RALGPS1: variants seen among roughly 807,000 people sequenced by gnomAD.
RALGPS1 encodes ras-specific guanine nucleotide-releasing factor RalGPS1.
A neutral mutation model predicts 78.8 loss-of-function variants in RALGPS1; 19 were observed. The ratio of observed to expected loss-of-function variants is 0.24; its 90% CI spans 0.17 to 0.35. The LOEUF is 0.35. Among genes scored for constraint, RALGPS1 ranks in the 10% least tolerant of loss-of-function variants. The probability of loss-of-function intolerance (pLI) is 1.00; values close to 1 mark genes in which losing one functional copy is unlikely to be tolerated. For missense variants in RALGPS1, 454 were observed against 688.3 expected (o/e 0.66, Z 3.81); for synonymous variants, 228 against 256.3 (o/e 0.89, Z 1.06).
intron 8 of RALGPS1, among the ~76,000 whole-genome samples, chr9:127,085,338 C>T (rs2051596605): frequency 1.3e-5 from 2 of 152,194 alleles, no homozygotes; most frequent in African/African-American, 4.8e-5. Context: ...AGTAGGACTC[C>T]TGTGATTGTA....
rs768611508 is a variant in RALGPS1 at position 127,174,731 on chromosome 9, G to A, written c.859G>A (p.Glu287Lys). The A allele has an allele frequency of 1.2e-6, 2 of 1,614,070 alleles. No homozygotes were observed. The highest frequency in any genetic ancestry group is 1.7e-6 in the Non-Finnish European group (2 of 1,180,002). The change falls in exon 11 of 19, where the codon GAA becomes AAA. Residue 287 changes from glutamate to lysine, a missense_variant. Coordinates refer to ENST00000259351, the MANE Select transcript of RALGPS1 (RefSeq NM_014636.3). Reference sequence around the variant, plus strand: ...TGTTTTCAGACTGTCGCTCAGAATCGAACCAGGAAGCAGCTCTCCAAGACT... The same window carrying A: ...TGTTTTCAGACTGTCGCTCAGAATCAAACCAGGAAGCAGCTCTCCAAGACT... ...DDNYKLSLRIEPGSSSPRLVS... is the reference protein window; with the variant it reads ...DDNYKLSLRIKPGSSSPRLVS...
intron 8 of RALGPS1, among the ~76,000 whole-genome samples, chr9:127,074,385 A>G (rs11788093): frequency 0.38 from 57,190 of 151,982 alleles, 12,605 homozygotes; most frequent in Non-Finnish European, 0.48. Flanking sequence ...TTGGCTTACC[A>G]TAAACTGCAG....
chr9:127,042,536 T>A (rs188025513), intron 5 of RALGPS1, among the ~76,000 whole-genome samples: 1 of 152,190 alleles, frequency 6.6e-6, no homozygotes, highest in African/African-American at 2.4e-5. Context: ...ATAAAGAACA[T>A]CTACAAAAGT....
chr9:126,976,315 A>T (rs72764338), intron 3 of RALGPS1, among the ~76,000 whole-genome samples: 4,755 of 69,804 alleles, frequency 0.068, 75 homozygotes, highest in East Asian at 0.14. Context: ...ACTCATTCTC[A>T]CACACACACA....
At chr9:127,174,835 C>A in intron 11 of RALGPS1, 53 bp downstream of exon 11, 2 of 1,555,606 alleles carry the variant, frequency 1.3e-6, no homozygotes, top group East Asian at 2.2e-5. Flanking sequence ...CTAATTGTGG[C>A]TGCCAGAGTT....
At chr9:126,952,656 AGTGT>A (rs1281535322) in intron 1 of RALGPS1, among the ~76,000 whole-genome samples, 29 of 138,824 alleles carry the variant, frequency 2.1e-4, no homozygotes, top group Admixed American at 3.6e-4. Flanking sequence ...AGAGAGAGAG[AGTGT>A]GTGTGTGTGT....
chr9:127,017,876 G>T (rs2045013412), intron 4 of RALGPS1, among the ~76,000 whole-genome samples: 1 of 152,106 alleles, frequency 6.6e-6, no homozygotes, highest in African/African-American at 2.4e-5. Context: ...CCCACTGGAA[G>T]GTTTTCAGGG....
chr9:126,960,370 A>G (rs1028840529), intron 1 of RALGPS1, among the ~76,000 whole-genome samples: 2 of 151,512 alleles, frequency 1.3e-5, no homozygotes, highest in African/African-American at 4.8e-5. Context: ...AGTAGCTGGG[A>G]CTACAGGCGC....
chr9:127,108,210 G>A, intron 8 of RALGPS1: 1 of 1,614,102 alleles, frequency 6.2e-7, no homozygotes, highest in Non-Finnish European at 8.5e-7. Context: ...CCTTGTACTT[G>A]CTGGCCAGCT....
chr9:127,206,071 T>C (rs2061915094), intron 14 of RALGPS1, among the ~76,000 whole-genome samples: 1 of 152,234 alleles, frequency 6.6e-6, no homozygotes, highest in Non-Finnish European at 1.5e-5. Context: ...GGTAGCAGCT[T>C]CCTGCCTGAA....
chr9:127,108,317 T>C (rs1266019857), intron 8 of RALGPS1: 5 of 1,613,782 alleles, frequency 3.1e-6, no homozygotes, highest in South Asian at 1.1e-5. Flanking sequence ...AGGAGCTGCA[T>C]GTAGAGCTGC....
chr9:126,989,084 GCATCATCAT>G lies in RALGPS1; in HGVS notation c.216+11356_216+11364del, dbSNP rs143688289. On this transcript the variant is annotated intron_variant, in intron 4 of 18. Transcript: ENST00000259351. ...CCCCACCTTATCATCATCATCATCA[GCATCATCAT>G]CATCATCATCATCATCGCTGAAGGA... Among the ~76,000 whole-genome samples, 7 of 151,604 alleles carry G rather than the reference GCATCATCAT, an allele frequency of 4.6e-5. 1 individual carries two copies. The highest frequency in any genetic ancestry group is 3.9e-4 in the East Asian group (2 of 5,166).
chr9:126,958,672 A>G (rs1157192424), intron 1 of RALGPS1, among the ~76,000 whole-genome samples: 1 of 152,182 alleles, frequency 6.6e-6, no homozygotes, highest in Non-Finnish European at 1.5e-5. Context: ...ACCAGGTGAT[A>G]AACATTTGGA....
chr9:127,098,696 A>T lies in RALGPS1; in HGVS notation c.610+29340A>T, dbSNP rs568689404. 3.3e-5 allele frequency among the ~76,000 whole-genome samples: 5 copies of T among 152,184 alleles called. No individual in the cohort carries two copies. The South Asian group carries it at 1.0e-3, about 32-fold the overall frequency. On this transcript the variant is annotated intron_variant, in intron 8 of 18. Transcript: ENST00000259351. ...CTCCTCTCTGGGGTTCTTGACAGGG[A>T]TTAGGCACACAAGGACCATGGCCTC...
intron 3 of RALGPS1, among the ~76,000 whole-genome samples, chr9:126,972,844 AC>A (rs1333872110): frequency 6.6e-6 from 1 of 152,132 alleles, no homozygotes; most frequent in East Asian, 1.9e-4. Flanking sequence ...TGGGCGGATC[AC>A]AAGGTCAGGA....
At chr9:127,071,450 C>G (rs973847376) in intron 8 of RALGPS1, among the ~76,000 whole-genome samples, 4 of 152,132 alleles carry the variant, frequency 2.6e-5, no homozygotes, top group African/African-American at 4.8e-5. Context: ...AAAAGACACA[C>G]CTGATAAAAG....
intron 10 of RALGPS1, among the ~76,000 whole-genome samples, chr9:127,172,147 A>G (rs1365505134): frequency 1.3e-5 from 2 of 152,220 alleles, no homozygotes; most frequent in African/African-American, 4.8e-5. Context: ...CTGCTCCACC[A>G]GAAAAATAAA....
In RALGPS1 at chr9:127,196,602, C is replaced by G; in HGVS notation, c.1166C>G (p.Ser389Cys). The G allele has an allele frequency of 6.2e-7, 1 of 1,610,562 alleles. No homozygotes were observed. Among genetic ancestry groups the G allele is most frequent in the Non-Finnish European group, 8.5e-7 (1 of 1,178,120 alleles). Residue 389 changes from serine to cysteine, a missense_variant, in exon 13 of 19, where the codon TCC becomes TGC. Ser to Cys is a moderately radical substitution (Grantham distance 112, BLOSUM62 -1). Transcript: ENST00000259351. ...CGAAGGGGCCTGGCTCTGACCTCCT[C>G]CTCTGCTGTCACCAATGGACTCTCC... ...SPRRGLALTSSSAVTNGLSLG... is the reference protein window; with the variant it reads ...SPRRGLALTSCSAVTNGLSLG...
chr9:127,034,665 G>C (rs1298404239), intron 5 of RALGPS1, 151 bp downstream of exon 5: 2 of 689,840 alleles, frequency 2.9e-6, no homozygotes, highest in Non-Finnish European at 5.3e-6. Flanking sequence ...ATCCAGTTTT[G>C]TGCCATTATA....
Sources: gnomAD v4.1 joint callset for allele counts (sites outside exome capture counted in the v4.1 genomes callset) on GRCh38, gnomAD v4.1.1 for gene constraint, MANE v1.5 for transcripts, NCBI Gene and HGNC (gene_info 2026-07-23, HGNC 2026-07-21) for gene names.